The following MARCHF2 variants were observed in gnomAD, a reference collection of about 807,000 sequenced individuals.
MARCHF2 encodes E3 ubiquitin-protein ligase MARCHF2.
Under a neutral mutation model 24.0 loss-of-function variants are expected in MARCHF2, and 22 were observed. The observed-to-expected ratio is 0.92, with a 90% confidence interval of 0.66 to 1.31. The LOEUF (loss-of-function observed/expected upper bound fraction) is 1.31. MARCHF2 is among the 50% of genes most tolerant of loss of function. The pLI is 0.00. For missense variants in MARCHF2, 301 were observed against 335.3 expected (o/e 0.90, Z 0.80); for synonymous variants, 154 against 153.0 (o/e 1.01, Z -0.05).
chr19:8,430,680 G>A lies in MARCHF2; in HGVS notation c.395G>A (p.Arg132Gln), dbSNP rs762724522. 33 of 1,609,268 alleles carry A rather than the reference G, an allele frequency of 2.1e-5. No individual in the cohort carries two copies. Among genetic ancestry groups the A allele is most frequent in the Admixed American group, 6.7e-5 (4 of 59,972 alleles). ...CAGTGGCTGAAGGACCCGGGGCCGC[G>A]GACGGAGAAGCGGACACTGTGCTGC... ...LTEWLKDPGP[R>Q]TEKRTLCCDM... Residue 132 changes from arginine to glutamine, a missense_variant, in exon 4 of 5, where the codon CGG becomes CAG. By Grantham distance (43) the Arg-to-Gln change is conservative. Coordinates refer to ENST00000215555, the MANE Select transcript of MARCHF2 (RefSeq NM_001005415.2). The surrounding 1 kb of genome is among the most constrained non-coding windows in gnomAD (Gnocchi z 4.4).
At chr19:8,423,370 A>G (rs1967307996) in intron 2 of MARCHF2, 1 of 151,948 alleles carries the variant, frequency 6.6e-6, no homozygotes, top group Non-Finnish European at 1.5e-5. Context: ...TCTTCTCTGA[A>G]TTTGCTCTCC....
In MARCHF2 at chr19:8,421,790, C is replaced by T. The variant is rs1967250794; in HGVS notation, c.-51C>T. ...ACCTCCGCACTGGCCTGTTCCCAGG[C>T]TCCTGGAACCATGGGCCTCAGGCCC... On this transcript the variant is annotated splice_region_variant and 5_prime_UTR_variant, in exon 2 of 5. Coordinates refer to ENST00000215555, the MANE Select transcript of MARCHF2 (RefSeq NM_001005415.2). 6.5e-7 allele frequency: 1 copy of T among 1,534,286 alleles called. No homozygotes were observed.
rs1350484698 is a variant in MARCHF2, at chr19:8,421,966, A to G, written c.126A>G (p.Ser42=). 1 of 1,613,328 alleles carries G rather than the reference A, an allele frequency of 6.2e-7. No individual in the cohort carries two copies. The highest frequency in any genetic ancestry group is 1.7e-4 in the Middle Eastern group (1 of 6,058). Residue 42 remains serine, a synonymous_variant, in exon 2 of 5, where the codon TCA becomes TCG. Transcript: ENST00000215555. ...GPPQYVAQVT[S]RDGRLLSTVI... is the part of the protein sequence containing the mutation. ...CCCAGTATGTGGCACAGGTGACTTCAAGGGATGGCCGGCTCCTCTCCACCG... is the reference window on the plus strand; with the variant it reads ...CCCAGTATGTGGCACAGGTGACTTCGAGGGATGGCCGGCTCCTCTCCACCG...
intron 3 of MARCHF2, 130 bp downstream of exon 3, chr19:8,426,934 G>A (rs1264044379): frequency 6.5e-6 from 5 of 772,798 alleles, no homozygotes; most frequent in Non-Finnish European, 1.0e-5. Flanking sequence ...CTGTCCACCA[G>A]GTGGGTCTGC....
chr19:8,415,744 CAA>C lies in MARCHF2; in HGVS notation c.-53+2334_-53+2335del, dbSNP rs542384304. ...CTCAAAAAAAAAAAAACAAAAAAAA[CAA>C]AAAAAAAAACCAGACAAAAGAAAGA... On this transcript the variant is annotated intron_variant, in intron 1 of 4. Coordinates refer to ENST00000215555, the MANE Select transcript of MARCHF2 (RefSeq NM_001005415.2). 2.4e-3 allele frequency among the ~76,000 whole-genome samples: 227 copies of C among 96,196 alleles called. 16 individuals are homozygous for C. Among genetic ancestry groups the C allele is most frequent in the Non-Finnish European group, 3.9e-3 (190 of 48,140 alleles). The allele number at this position is 96,196 out of a possible 152,430, so 63.1% of individuals were successfully genotyped here. A position where few individuals can be genotyped will look rare whatever the true frequency, so the allele number is the denominator to read the frequency against.
chr19:8,422,115 A>G (rs1967264547), intron 2 of MARCHF2, 99 bp downstream of exon 2: 3 of 1,296,476 alleles, frequency 2.3e-6, no homozygotes, highest in Admixed American at 4.8e-5. Flanking sequence ...AACCGTTGAC[A>G]GAGGGCCAAG....
intron 4 of MARCHF2, among the ~76,000 whole-genome samples, chr19:8,435,828 C>G (rs970452404): frequency 3.3e-4 from 46 of 141,068 alleles, no homozygotes; most frequent in African/African-American, 3.1e-4. Context: ...TGCACCTGGC[C>G]TGTGTGTGTG....
At chr19:8,423,794 G>A (rs1315252685) in intron 2 of MARCHF2, 2 of 152,028 alleles carry the variant, frequency 1.3e-5, no homozygotes, top group Non-Finnish European at 2.9e-5. Context: ...GAGCCCAGAA[G>A]CTCAAGACCA....
Position 8,421,784 on chromosome 19 carries a change from C to G in MARCHF2, c.-52-5C>G. On this transcript the variant is annotated splice_polypyrimidine_tract_variant and splice_region_variant and intron_variant, in intron 1 of 4. Coordinates refer to ENST00000215555, the MANE Select transcript of MARCHF2 (RefSeq NM_001005415.2). ...CCCCTAACCTCCGCACTGGCCTGTTCCCAGGCTCCTGGAACCATGGGCCTC... is the reference window on the plus strand; with the variant it reads ...CCCCTAACCTCCGCACTGGCCTGTTGCCAGGCTCCTGGAACCATGGGCCTC... The G allele has an allele frequency of 1.3e-6, 2 of 1,518,006 alleles. No homozygotes were observed. The highest frequency in any genetic ancestry group is 1.8e-6 in the Non-Finnish European group (2 of 1,126,360). 94.0% of individuals were successfully genotyped at this position (1,518,006 alleles called of 1,614,324 possible).
intron 1 of MARCHF2, chr19:8,413,632 C>T (rs1170533900): frequency 6.6e-6 from 1 of 152,198 alleles, no homozygotes; most frequent in African/African-American, 2.4e-5. Context: ...GCCTCGGTTT[C>T]CCCACCTGTG....
intron 2 of MARCHF2, 44 bp downstream of exon 2, chr19:8,422,060 C>T (rs2145545035): frequency 6.4e-7 from 1 of 1,557,892 alleles, no homozygotes; most frequent in African/African-American, 1.4e-5. Flanking sequence ...GTTGCCTCTT[C>T]TCTCTGGGCG....
intron 1 of MARCHF2, among the ~76,000 whole-genome samples, chr19:8,417,748 CTTTTTTTTTTTTTTT>C (rs71175853): frequency 3.3e-4 from 9 of 26,870 alleles, no homozygotes; most frequent in East Asian, 3.4e-3. Flanking sequence ...AATACCCTGT[CTTTTTTTTTTTTTTT>C]TTTTTTTTTT....
chr19:8,429,826 T>A (rs978826227), intron 3 of MARCHF2, among the ~76,000 whole-genome samples: 11 of 72,410 alleles, frequency 1.5e-4, no homozygotes, highest in South Asian at 4.4e-4. Context: ...TTTTTTTTTT[T>A]AGCCCATTTC....
intron 1 of MARCHF2, among the ~76,000 whole-genome samples, chr19:8,420,308 A>G (rs1317838888): frequency 2.0e-5 from 3 of 150,770 alleles, no homozygotes; most frequent in African/African-American, 7.3e-5. Flanking sequence ...AGATCATGCC[A>G]TTGCACTCCA....
chr19:8,414,575 G>A (rs939094727), intron 1 of MARCHF2, among the ~76,000 whole-genome samples: 8 of 152,160 alleles, frequency 5.3e-5, no homozygotes, highest in Non-Finnish European at 1.2e-4. Context: ...ACTGCGCCCG[G>A]CCTGTAACAC....
At chr19:8,429,476 G>A (rs1393385644) in intron 3 of MARCHF2, among the ~76,000 whole-genome samples, 1 of 128,270 alleles carries the variant, frequency 7.8e-6, no homozygotes, top group South Asian at 2.6e-4. Context: ...AGAAATGAAA[G>A]AACTTATTAT....
chr19:8,424,596 G>A (rs1048263786), intron 2 of MARCHF2, among the ~76,000 whole-genome samples: 3 of 152,042 alleles, frequency 2.0e-5, no homozygotes, highest in African/African-American at 7.2e-5. Context: ...GAACCTGGGA[G>A]GTCGAGCTTG....
rs886419373 is a variant in MARCHF2 at position 8,421,083 on chromosome 19, G to A, written c.-52-706G>A. 2.0e-5 allele frequency among the ~76,000 whole-genome samples: 3 copies of A among 151,412 alleles called. No individual in the cohort carries two copies. In the South Asian group the frequency reaches 6.2e-4, roughly 32 times the overall value. On this transcript the variant is annotated intron_variant, in intron 1 of 4. Coordinates refer to ENST00000215555, the MANE Select transcript of MARCHF2 (RefSeq NM_001005415.2). ...CAAAGCACCGGGACTATAGACATGA[G>A]CCACCACACCTGGCCAGGCCTAGCT...
At chr19:8,429,945 T>C (rs1323660000) in intron 3 of MARCHF2, among the ~76,000 whole-genome samples, 2 of 151,842 alleles carry the variant, frequency 1.3e-5, no homozygotes, top group Admixed American at 6.6e-5. Flanking sequence ...GTGGACTATG[T>C]AGCTGTGTGA....
Sources: gnomAD v4.1 joint callset for allele counts (sites outside exome capture counted in the v4.1 genomes callset) on GRCh38, gnomAD v4.1.1 for gene constraint, Gnocchi (gnomAD v3.1) non-coding constraint, MANE v1.5 for transcripts, NCBI Gene and HGNC (gene_info 2026-07-23, HGNC 2026-07-21) for gene names.